The following FAM124B variants were observed in gnomAD, a reference collection of about 807,000 sequenced individuals.
FAM124B encodes the protein family with sequence similarity 124 member B, also known as protein FAM124B.
In FAM124B, 18 loss-of-function variants were observed where a neutral mutation model predicts 19.7. The observed-to-expected ratio is 0.92, with a 90% CI of 0.63 to 1.36. The LOEUF (loss-of-function observed/expected upper bound fraction) is 1.36, where lower values mean the gene tolerates loss of function less well. FAM124B is among the 40% of genes most tolerant of loss of function. The pLI, the probability that FAM124B is intolerant of heterozygous loss-of-function variation, is 0.00. For missense variants in FAM124B, 540 were observed against 553.3 expected, an observed-to-expected ratio of 0.98 and a Z score of 0.24; for synonymous variants, 223 against 225.2, an observed-to-expected ratio of 0.99 and a Z score of 0.09.
At chr2:224,388,701 T>C (rs1689836629) in intron 1 of FAM124B, among the ~76,000 whole-genome samples, 1 of 152,136 alleles carries the variant, frequency 6.6e-6, no homozygotes, top group South Asian at 2.1e-4. Context: ...CCTCGAAAAA[T>C]AGTTAAGATG....
chr2:224,400,617 A>AT (rs1179129556), intron 1 of FAM124B: 6 of 604,068 alleles, frequency 9.9e-6, no homozygotes, highest in South Asian at 2.1e-5. Flanking sequence ...CCCAAAGAGT[A>AT]AACAAAGGAT....
intron 1 of FAM124B, among the ~76,000 whole-genome samples, chr2:224,390,818 A>T (rs1364392535): frequency 6.6e-6 from 1 of 150,968 alleles, no homozygotes; most frequent in African/African-American, 2.4e-5. Context: ...CTCCTGCCTC[A>T]GCCTCCCGAG....
chr2:224,395,184 C>T (rs1052585494), intron 1 of FAM124B, among the ~76,000 whole-genome samples: 6 of 152,028 alleles, frequency 3.9e-5, no homozygotes, highest in South Asian at 2.1e-4. Context: ...CTTGGATTGC[C>T]CCTGCCAGGA....
chr2:224,385,986 T>A (rs138492221), intron 1 of FAM124B, among the ~76,000 whole-genome samples: 1 of 152,312 alleles, frequency 6.6e-6, no homozygotes, highest in Non-Finnish European at 1.5e-5. Context: ...TCCACTCCCC[T>A]GCCAGAGGAT....
intron 1 of FAM124B, among the ~76,000 whole-genome samples, chr2:224,390,147 A>ACACACACACG (rs1283304666): frequency 6.6e-6 from 1 of 151,748 alleles, no homozygotes; most frequent in Non-Finnish European, 1.5e-5. Context: ...ACACACACAC[A>ACACACACACG]CACACACACA....
Position 224,401,738 on chromosome 2 carries a change from T to C in FAM124B, c.31A>G (p.Thr11Ala), listed in dbSNP as rs770471272. MDETQGPLAM[T>A]VHLLANSGHG... ...CCAGAGTTGGCAAGAAGATGGACAG[T>C]CATGGCCAGAGGCCCCTGTGTCTCA... The change falls in exon 1 of 2, where the codon ACT becomes GCT. Residue 11 changes from threonine to alanine, a missense_variant. Physicochemically the swap from Thr to Ala is moderately conservative, Grantham distance 58. Transcript: ENST00000409685. 1 of 1,613,774 alleles carries C rather than the reference T, an allele frequency of 6.2e-7. No individual in the cohort carries two copies. Among genetic ancestry groups the C allele is most frequent in the South Asian group, 1.1e-5 (1 of 91,080 alleles).
intron 1 of FAM124B, among the ~76,000 whole-genome samples, chr2:224,382,809 C>T (rs1412225569): frequency 3.3e-5 from 5 of 152,250 alleles, no homozygotes; most frequent in South Asian, 2.1e-4. Flanking sequence ...CCTCTGCCTA[C>T]GGGACCCCCT....
chr2:224,386,279 T>G (rs150842618), intron 1 of FAM124B, among the ~76,000 whole-genome samples: 82 of 152,254 alleles, frequency 5.4e-4, no homozygotes, highest in African/African-American at 1.9e-3. Flanking sequence ...ATTTCTTCTG[T>G]GTGGGATGTG....
intron 1 of FAM124B, among the ~76,000 whole-genome samples, chr2:224,398,217 C>T (rs138778810): frequency 0.017 from 2,622 of 152,248 alleles, 87 homozygotes; most frequent in African/African-American, 0.06. Context: ...CCTGCTTCAG[C>T]CTCCCGAGTA....
At chr2:224,400,394 T>C (rs1252370756) in intron 1 of FAM124B, 1 of 681,726 alleles carries the variant, frequency 1.5e-6, no homozygotes, top group South Asian at 1.6e-5. Flanking sequence ...TAGTCCCAGC[T>C]AATCAGGAGG....
intron 1 of FAM124B, among the ~76,000 whole-genome samples, chr2:224,400,804 G>A (rs1029492861): frequency 2.0e-5 from 3 of 152,158 alleles, no homozygotes; most frequent in Admixed American, 6.5e-5. Flanking sequence ...TATGAGATCA[G>A]TGATTCTCAA....
chr2:224,379,330 C>T lies in FAM124B; in HGVS notation c.*243G>A. ...GCTGGGTTAGTGCATCTCCACGGAA[C>T]AAAAGCATTCGGTTTTTTTCCCTGT... On this transcript the variant is annotated 3_prime_UTR_variant, in exon 2 of 2. Coordinates refer to ENST00000409685, the MANE Select transcript of FAM124B (RefSeq NM_001122779.2). 1 of 494,430 alleles carries T rather than the reference C, an allele frequency of 2.0e-6. No individual in the cohort carries two copies. The highest frequency in any genetic ancestry group is 2.8e-5 in the South Asian group (1 of 36,236). 30.6% of individuals were successfully genotyped at this position (494,430 alleles called of 1,614,324 possible). A position where few individuals can be genotyped will look rare whatever the true frequency, so the allele number is the denominator to read the frequency against.
intron 1 of FAM124B, among the ~76,000 whole-genome samples, chr2:224,386,964 G>A (rs896696683): frequency 2.2e-5 from 3 of 138,210 alleles, no homozygotes; most frequent in Admixed American, 2.1e-4. Flanking sequence ...ATCTTCTTAA[G>A]AGAGGGGAAT....
At chr2:224,399,834 C>T in intron 1 of FAM124B, 1 of 152,226 alleles carries the variant, frequency 6.6e-6, no homozygotes, top group South Asian at 2.1e-4. Flanking sequence ...GAGTTCTTGG[C>T]ACTATCTTAA....
rs773964645 is a variant in FAM124B, at chr2:224,380,127, C to T, written c.814G>A (p.Val272Ile). The change falls in exon 2 of 2, where the codon GTC becomes ATC. Residue 272 changes from valine (V) to isoleucine (I), a missense_variant. Coordinates refer to ENST00000409685, the MANE Select transcript of FAM124B (RefSeq NM_001122779.2). Reference sequence around the variant, plus strand: ...GGTTCTGAGGTCCTCTTTGCAGAGACAGAAGTCAGCCTGGAGCCCAGGGGA... The same window carrying T: ...GGTTCTGAGGTCCTCTTTGCAGAGATAGAAGTCAGCCTGGAGCCCAGGGGA... ...MLPLGSRLTS[V>I]SAKRTSEPRS... The T allele has an allele frequency of 7.1e-6, 11 of 1,551,546 alleles. No individual in the cohort carries two copies. Among genetic ancestry groups the T allele is most frequent in the African/African-American group, 2.7e-5 (2 of 73,024 alleles).
rs182761831 is a variant in FAM124B, at chr2:224,385,803, A to G, written c.733-5595T>C. On this transcript the variant is annotated intron_variant, in intron 1 of 1. Transcript: ENST00000409685. ...CACCCTTCTCCATACCCCGGGTACA[A>G]CCATCCACCCGTCCCCATGGACACT... Among the ~76,000 whole-genome samples the G allele has an allele frequency of 2.6e-5, 4 of 152,220 alleles. No homozygotes were observed. In the East Asian group the frequency reaches 7.7e-4, roughly 29 times the overall value.
At chr2:224,395,858 T>C (rs1352632323) in intron 1 of FAM124B, among the ~76,000 whole-genome samples, 1 of 152,204 alleles carries the variant, frequency 6.6e-6, no homozygotes, top group Non-Finnish European at 1.5e-5. Context: ...GCCTCTCACA[T>C]GCACAGATCA....
At position 224,380,074 on chromosome 2, in the gene FAM124B, C is replaced by A. The variant is rs1689690635; in HGVS notation, c.867G>T (p.Arg289Ser). The change falls in exon 2 of 2, where the codon AGG becomes AGT. Residue 289 changes from arginine to serine, a missense_variant. By Grantham distance (110) the Arg-to-Ser change is moderately radical. Transcript: ENST00000409685. Reference sequence around the variant, plus strand: ...GAAGCTCCAGAGAATGCCCCTGGGACCTCTTGCCCTGGTTCCTCTGGCTCC... The same window carrying A: ...GAAGCTCCAGAGAATGCCCCTGGGAACTCTTGCCCTGGTTCCTCTGGCTCC... ...EPRSQRNQGK[R>S]SQGHSLELPE... 2.6e-6 allele frequency: 4 copies of A among 1,551,564 alleles called. No individual in the cohort carries two copies. The highest frequency in any genetic ancestry group is 2.4e-5 in the East Asian group (1 of 40,916).
intron 1 of FAM124B, among the ~76,000 whole-genome samples, chr2:224,390,565 C>T (rs1255365355): frequency 6.6e-6 from 1 of 151,900 alleles, no homozygotes; most frequent in Non-Finnish European, 1.5e-5. Flanking sequence ...ACAAATGGGA[C>T]AGCAAGGCCC....
Sources: allele counts gnomAD v4.1 joint callset (sites outside exome capture counted in the v4.1 genomes callset), GRCh38; gene constraint gnomAD v4.1.1; transcripts MANE v1.5; gene names NCBI Gene and HGNC (gene_info 2026-07-23, HGNC 2026-07-21).